Variants in DNAAF1 observed in about 807,000 individuals in gnomAD.
The protein encoded by DNAAF1 is dynein assembly factor 1, axonemal.
A neutral mutation model predicts 71.1 loss-of-function variants in DNAAF1; 65 were observed. That is an observed-to-expected ratio of 0.91 (90% CI 0.75 to 1.12). DNAAF1 has a LOEUF of 1.12. Ranked by LOEUF, DNAAF1 falls within the 50% of genes most tolerant of loss-of-function variation. The pLI is 0.00. For synonymous variants in DNAAF1, 414 were observed against 354.6 expected (o/e 1.17, Z -1.88); for missense variants, 1,178 against 899.8 (o/e 1.31, Z -3.96).
chr16:84,150,281 C>T lies in DNAAF1; in HGVS notation c.291C>T (p.Cys97=). ...RMTKSSLQKL[C]KQHKLYITPA... Reference sequence around the variant, plus strand: ...CTAAAAGTTCCCTGCAAAAACTCTGCAAGCAGCACAAGCTTTATATTACCC... The same window carrying T: ...CTAAAAGTTCCCTGCAAAAACTCTGTAAGCAGCACAAGCTTTATATTACCC... The change falls in exon 3 of 12, where the codon TGC becomes TGT. Residue 97 remains cysteine (C), a synonymous_variant. Coordinates refer to ENST00000378553, the MANE Select transcript of DNAAF1 (RefSeq NM_178452.6). The T allele has an allele frequency of 6.2e-7, 1 of 1,613,916 alleles. No homozygotes were observed. Among genetic ancestry groups the T allele is most frequent in the Non-Finnish European group, 8.5e-7 (1 of 1,179,816 alleles).
At chr16:84,153,049 C>G (rs2087256335) in intron 3 of DNAAF1, among the ~76,000 whole-genome samples, 1 of 151,542 alleles carries the variant, frequency 6.6e-6, no homozygotes, top group Admixed American at 6.6e-5. Flanking sequence ...AGTTTGGAAA[C>G]AAAGACAACA....
At chr16:84,170,494 T>G in intron 8 of DNAAF1, 138 bp downstream of exon 8, 1 of 1,380,496 alleles carries the variant, frequency 7.2e-7, no homozygotes, top group Non-Finnish European at 1.0e-6. Flanking sequence ...TGGACACTAG[T>G]TATCTTGTTT....
rs2087327143 is a variant in DNAAF1, at chr16:84,154,638, C to G, written c.414C>G (p.Ser138Arg). The G allele has an allele frequency of 1.2e-6, 2 of 1,614,166 alleles. No individual in the cohort carries two copies. Among genetic ancestry groups the G allele is most frequent in the South Asian group, 1.1e-5 (1 of 91,074 alleles). The change falls in exon 4 of 12, where the codon AGC becomes AGG. Residue 138 changes from serine to arginine, a missense_variant. Transcript: ENST00000378553. The stretch of plus-strand genomic sequence containing the variant: ...GGCTGCGCTGTCTCTGGCTGCAGAG[C>G]AATGGAATACAGAAAATCGAAAACC... ...YTGLRCLWLQ[S>R]NGIQKIENLE...
intron 6 of DNAAF1, among the ~76,000 whole-genome samples, chr16:84,164,911 C>T (rs1423717757): frequency 6.6e-6 from 1 of 152,188 alleles, no homozygotes; most frequent in Admixed American, 6.5e-5. Flanking sequence ...CGGGACTCCA[C>T]ATCCTCATTA....
intron 6 of DNAAF1, among the ~76,000 whole-genome samples, chr16:84,164,003 C>T (rs2087846478): frequency 1.3e-5 from 2 of 152,204 alleles, no homozygotes; most frequent in South Asian, 4.1e-4. Flanking sequence ...CGGGGTCTTG[C>T]CATGTTGCCC....
At chr16:84,172,223 T>C (rs771615102) in intron 8 of DNAAF1, 37 bp from the exon 9 acceptor site, 2 of 1,598,790 alleles carry the variant, frequency 1.3e-6, no homozygotes, top group African/African-American at 2.7e-5. Context: ...GCCTGCCGTG[T>C]GTTAAACTAA....
rs2087092825 is a variant in DNAAF1, at chr16:84,149,701, A to AC, written c.261-550_261-549insC. Among the ~76,000 whole-genome samples the AC allele has an allele frequency of 3.3e-5, 5 of 151,140 alleles. No individual in the cohort carries two copies. The South Asian group carries it at 1.0e-3, about 32-fold the overall frequency. On this transcript the variant is annotated intron_variant, in intron 2 of 11. Coordinates refer to ENST00000378553, the MANE Select transcript of DNAAF1 (RefSeq NM_178452.6). ...GTGAGACTCCATCTCAAAAAAAAAA[A>AC]AAAAAAAACATACATTGCAATTTTT...
intron 9 of DNAAF1, chr16:84,173,215 G>A (rs1202816870): frequency 2.1e-5 from 21 of 980,034 alleles, no homozygotes; most frequent in Non-Finnish European, 2.5e-5. Flanking sequence ...TGTAATCCCA[G>A]CACTTTGGGA....
chr16:84,157,121 A>T (rs2087476902), intron 5 of DNAAF1, among the ~76,000 whole-genome samples: 1 of 152,050 alleles, frequency 6.6e-6, no homozygotes. Flanking sequence ...TCTCATGGTG[A>T]CAGTGAAACC....
chr16:84,163,373 C>G (rs901073105), intron 6 of DNAAF1, among the ~76,000 whole-genome samples: 2 of 140,998 alleles, frequency 1.4e-5, no homozygotes, highest in East Asian at 4.2e-4. Flanking sequence ...TCCTCTCTCT[C>G]TCTCTTTTTC....
At chr16:84,146,577 C>T (rs910348803) in intron 1 of DNAAF1, among the ~76,000 whole-genome samples, 18 of 152,082 alleles carry the variant, frequency 1.2e-4, no homozygotes, top group Non-Finnish European at 2.2e-4. Context: ...ATTAGCAGGG[C>T]GTGGTGACGT....
chr16:84,172,164 A>G, intron 8 of DNAAF1, 96 bp from the exon 9 acceptor site: 2 of 1,185,870 alleles, frequency 1.7e-6, no homozygotes, highest in Non-Finnish European at 2.5e-6. Flanking sequence ...GGCATGAGCC[A>G]CCGAGCCCGG....
At chr16:84,146,422 A>C (rs1214470406) in intron 1 of DNAAF1, among the ~76,000 whole-genome samples, 1 of 152,120 alleles carries the variant, frequency 6.6e-6, no homozygotes, top group Non-Finnish European at 1.5e-5. Flanking sequence ...TGGACTTGAA[A>C]GATAACCTTC....
intron 3 of DNAAF1, among the ~76,000 whole-genome samples, chr16:84,153,349 T>C (rs140557018): frequency 6.6e-6 from 1 of 152,338 alleles, no homozygotes; most frequent in East Asian, 1.9e-4. Context: ...CACATTTACC[T>C]ATGCCACAAA....
intron 9 of DNAAF1, 123 bp downstream of exon 9, chr16:84,172,498 C>A (rs762312181): frequency 6.6e-7 from 1 of 1,516,242 alleles, no homozygotes; most frequent in Non-Finnish European, 8.9e-7. Flanking sequence ...GCAGGCCTGG[C>A]ATTTCTGGGG....
intron 7 of DNAAF1, 89 bp downstream of exon 7, chr16:84,166,038 T>A: frequency 2.3e-5 from 1 of 43,310 alleles, no homozygotes; most frequent in South Asian, 9.5e-4. Flanking sequence ...ATCTTGGGAA[T>A]TTTTTTTTTT....
chr16:84,147,658 C>T (rs1444340387), intron 1 of DNAAF1, among the ~76,000 whole-genome samples: 2 of 151,418 alleles, frequency 1.3e-5, no homozygotes, highest in African/African-American at 4.9e-5. Context: ...GAACAAAGAA[C>T]ATTAAAACAA....
intron 5 of DNAAF1, among the ~76,000 whole-genome samples, chr16:84,158,192 G>C (rs553434306): frequency 2.6e-4 from 40 of 152,220 alleles, no homozygotes; most frequent in African/African-American, 9.2e-4. Flanking sequence ...GAGACAGGCA[G>C]AGTCTGGCTC....
chr16:84,171,690 G>A (rs909948683), intron 8 of DNAAF1, among the ~76,000 whole-genome samples: 22 of 152,040 alleles, frequency 1.4e-4, no homozygotes, highest in African/African-American at 3.6e-4. Flanking sequence ...CCCTGCAGTC[G>A]GCTGCCATTT....
Sources: allele counts gnomAD v4.1 joint callset (sites outside exome capture counted in the v4.1 genomes callset), GRCh38; gene constraint gnomAD v4.1.1; transcripts MANE v1.5; gene names NCBI Gene and HGNC (gene_info 2026-07-23, HGNC 2026-07-21).